RPS4X: variants seen among roughly 807,000 people sequenced by gnomAD.
RPS4X encodes the protein ribosomal protein S4 X-linked.
For synonymous variants in RPS4X, 76 were observed against 76.8 expected (o/e 0.99, Z 0.06); for missense variants, 90 against 219.1 (o/e 0.41, Z 3.72).
rs886588239 is a variant in RPS4X, at chrX:72,273,705, G to A, written c.532+96C>T. ...GGCTATAAACACACCTGGGCGATTG[G>A]AGCAGATGGTTTTTAATAAAGATAC... On this transcript the variant is annotated intron_variant, in intron 5 of 6. Coordinates refer to ENST00000316084, the MANE Select transcript of RPS4X (RefSeq NM_001007.5). The A allele has an allele frequency of 5.6e-6, 4 of 718,188 alleles. No homozygotes were observed. The African/African-American group carries it at 6.4e-5, about 11-fold the overall frequency. The allele number at this position is 718,188 out of a possible 1,213,427, so 59.2% of individuals were successfully genotyped here. A position where few individuals can be genotyped will look rare whatever the true frequency, so the allele number is the denominator to read the frequency against.
At position 72,275,516 on chromosome X, in the gene RPS4X, C is replaced by T. The variant is rs760914109; in HGVS notation, c.262+28G>A. The stretch of plus-strand genomic sequence containing the variant: ...ATACCATAGGGCTGCCATCAATATG[C>T]GTCTCCAGAGTATTTAAAACTTCTT... On this transcript the variant is annotated intron_variant, in intron 3 of 6. Transcript: ENST00000316084. The T allele has an allele frequency of 4.6e-6, 5 of 1,083,423 alleles. No homozygotes were observed. The Admixed American group carries it at 9.8e-5, about 21-fold the overall frequency. 89.3% of individuals were successfully genotyped at this position (1,083,423 alleles called of 1,213,427 possible). A position where few individuals can be genotyped will look rare whatever the true frequency, so the allele number is the denominator to read the frequency against.
In RPS4X at chrX:72,275,209, C is replaced by T. The variant is rs73624229; in HGVS notation, c.263-59G>A. The T allele has an allele frequency of 5.3e-3, 4,114 of 778,662 alleles. 15 individuals carry two copies. Among genetic ancestry groups the T allele is most frequent in the Middle Eastern group, 0.021 (73 of 3,546 alleles). 64.2% of individuals were successfully genotyped at this position (778,662 alleles called of 1,213,427 possible). A position where few individuals can be genotyped will look rare whatever the true frequency, so the allele number is the denominator to read the frequency against. ...GTGATCCCCACTACCTCATGCCGAGCAACAACCATAGCTCTCTACGAAACA... is the reference window on the plus strand; with the variant it reads ...GTGATCCCCACTACCTCATGCCGAGTAACAACCATAGCTCTCTACGAAACA... On this transcript the variant is annotated intron_variant, in intron 3 of 6. Transcript: ENST00000316084.
chrX:72,275,741 G>T lies in RPS4X; in HGVS notation c.82-17C>A. The T allele has an allele frequency of 8.6e-7, 1 of 1,162,697 alleles. No homozygotes were observed. Among genetic ancestry groups the T allele is most frequent in the African/African-American group, 1.8e-5 (1 of 56,226 alleles). Reference sequence around the variant, plus strand: ...ACGAGGAGCCTGTAACGTTAAAAATGATAATCACTGTTGGGATTCACTAAA... The same window carrying T: ...ACGAGGAGCCTGTAACGTTAAAAATTATAATCACTGTTGGGATTCACTAAA... On this transcript the variant is annotated splice_polypyrimidine_tract_variant and intron_variant, in intron 2 of 6. Coordinates refer to ENST00000316084, the MANE Select transcript of RPS4X (RefSeq NM_001007.5).
rs1187343133 is a variant in RPS4X, at chrX:72,275,664, G to T, written c.142C>A (p.Leu48Met). ...LRECLPLIIF[L>M]RNRLKYALTG... is the part of the protein sequence containing the mutation. ...AGGGCATACTTAAGTCTGTTCCTCA[G>T]GAAAATGATGAGGGGGAGACACTCT... Residue 48 changes from leucine to methionine, a missense_variant, in exon 3 of 7, where the codon CTG (leucine) becomes ATG (methionine). Coordinates refer to ENST00000316084, the MANE Select transcript of RPS4X (RefSeq NM_001007.5). 8.3e-7 allele frequency: 1 copy of T among 1,208,176 alleles called. No homozygotes were observed. The highest frequency in any genetic ancestry group is 1.8e-5 in the South Asian group (1 of 56,798).
In RPS4X at chrX:72,272,680, GCT is replaced by G. The variant is rs1009974335; in HGVS notation, c.781_782del (p.Ser261GlnfsTer9). 1 of 1,199,542 alleles carries G rather than the reference GCT, an allele frequency of 8.3e-7. No homozygotes were observed. Among genetic ancestry groups the G allele is most frequent in the African/African-American group, 1.8e-5 (1 of 56,854 alleles). ...ERDKRLAAKQSSG is the reference protein window; with the variant it reads ...ERDKRLAAKQXSG ...CACCCAGGGACCCATTTCACCCACT[GCT>G]CTGTTTGGCCGCCAGTCTTTTGTCT... On this transcript the variant is annotated frameshift_variant, in exon 7 of 7. Transcript: ENST00000316084. LOFTEE classifies it high-confidence loss of function.
chrX:72,274,809 C>T (rs2043195421), intron 4 of RPS4X: 7 of 338,447 alleles, frequency 2.1e-5, no homozygotes, highest in African/African-American at 1.0e-4. Context: ...AGGAAGTTAA[C>T]TTCAAATGGG....
chrX:72,274,029 C>A, intron 4 of RPS4X, 57 bp from the exon 5 acceptor site: 19 of 1,069,837 alleles, frequency 1.8e-5, no homozygotes, highest in Non-Finnish European at 2.5e-5. Flanking sequence ...CTTTTTAACC[C>A]TATACAGGAA....
At chrX:72,275,988 G>A (rs1297247448) in intron 2 of RPS4X, among the ~76,000 whole-genome samples, 169 bp downstream of exon 2, 5 of 111,619 alleles carry the variant, frequency 4.5e-5, no homozygotes, top group Non-Finnish European at 9.4e-5. Context: ...GAATAAATGA[G>A]GCACAAAAAT....
chrX:72,275,489 G>T, intron 3 of RPS4X, 55 bp downstream of exon 3: 2 of 935,735 alleles, frequency 2.1e-6, no homozygotes, highest in South Asian at 2.1e-5. Flanking sequence ...GACAGTATTT[G>T]GATACCATAG....
intron 4 of RPS4X, chrX:72,274,210 T>C: frequency 2.5e-6 from 1 of 402,579 alleles, no homozygotes; most frequent in Non-Finnish European, 4.5e-6. Flanking sequence ...TTAAGCCTTA[T>C]GGGGCCCTGG....
chrX:72,272,820 T>C (rs1484395466), intron 6 of RPS4X, 48 bp from the exon 7 acceptor site: 2 of 911,293 alleles, frequency 2.2e-6, no homozygotes, highest in Admixed American at 2.3e-5. Context: ...CACCAACTCA[T>C]AGTGGCTTGG....
At chrX:72,273,487 T>A in intron 5 of RPS4X, 98 bp from the exon 6 acceptor site, 1 of 852,275 alleles carries the variant, frequency 1.2e-6, no homozygotes, top group Admixed American at 3.8e-5. Flanking sequence ...TTCCCCCCAT[T>A]TGAATTTCCT....
chrX:72,276,284 T>C lies in RPS4X; in HGVS notation c.4-50A>G, dbSNP rs752534854. The C allele has an allele frequency of 9.8e-5, 95 of 965,404 alleles. No individual in the cohort carries two copies. The Middle Eastern group carries it at 3.6e-3, about 36-fold the overall frequency. 79.6% of individuals were successfully genotyped at this position (965,404 alleles called of 1,213,427 possible). A position where few individuals can be genotyped will look rare whatever the true frequency, so the allele number is the denominator to read the frequency against. ...GTTAATCAGGTTTCAGAACAGCTTA[T>C]AAAACCTAGTGTGAAACTAAACTCT... On this transcript the variant is annotated intron_variant, in intron 1 of 6. Coordinates refer to ENST00000316084, the MANE Select transcript of RPS4X (RefSeq NM_001007.5).
At position 72,272,620 on chromosome X, in the gene RPS4X, C is replaced by A. The variant is rs1361897380; in HGVS notation, c.*51G>T. 1.1e-6 allele frequency: 1 copy of A among 891,227 alleles called. No homozygotes were observed. Among genetic ancestry groups the A allele is most frequent in the South Asian group, 2.2e-5 (1 of 44,913 alleles). The allele number at this position is 891,227 out of a possible 1,213,427, so 73.4% of individuals were successfully genotyped here. A position where few individuals can be genotyped will look rare whatever the true frequency, so the allele number is the denominator to read the frequency against. On this transcript the variant is annotated 3_prime_UTR_variant, in exon 7 of 7. Transcript: ENST00000316084. ...AACCAAAATGCTATTAATCCTGCCA[C>A]AATATTTTTAATTACGTACAAAGAT...
chrX:72,275,180 T>C (rs2043197387), intron 3 of RPS4X, 30 bp from the exon 4 acceptor site: 1 of 1,004,713 alleles, frequency 1.0e-6, no homozygotes, highest in Non-Finnish European at 1.4e-6. Context: ...GGTTACTACA[T>C]ACAGTGATCC....
At chrX:72,274,956 A>G in intron 4 of RPS4X, 97 bp downstream of exon 4, 1 of 523,637 alleles carries the variant, frequency 1.9e-6, no homozygotes, top group Non-Finnish European at 3.4e-6. Flanking sequence ...TAACTAATCA[A>G]TACCCACCTC....
In RPS4X at chrX:72,275,105, T is replaced by C. The variant is rs755486495; in HGVS notation, c.308A>G (p.Tyr103Cys). ...TACAGCAAAGCGACCCTTGGTGTCA[T>C]AGATCAGACGGAAATTCTCTCCCGT... The part of the protein sequence containing the change: ...DKTGENFRLI[Y>C]DTKGRFAVHR... Residue 103 changes from tyrosine to cysteine, a missense_variant, in exon 4 of 7, where the codon TAT becomes TGT. Tyr to Cys is a radical substitution (Grantham distance 194). Coordinates refer to ENST00000316084, the MANE Select transcript of RPS4X (RefSeq NM_001007.5). 1.2e-5 allele frequency: 14 copies of C among 1,207,438 alleles called. No homozygotes were observed. Among genetic ancestry groups the C allele is most frequent in the African/African-American group, 5.3e-5 (3 of 56,912 alleles).
At chrX:72,275,400 T>A in intron 3 of RPS4X, 144 bp downstream of exon 3, 1 of 514,683 alleles carries the variant, frequency 1.9e-6, no homozygotes, top group Non-Finnish European at 3.2e-6. Context: ...GCATGTTTTT[T>A]ATTTAAGTAA....
chrX:72,273,695 TG>T, intron 5 of RPS4X, 105 bp downstream of exon 5: 1 of 656,130 alleles, frequency 1.5e-6, no homozygotes, highest in Non-Finnish European at 2.3e-6. Flanking sequence ...TAAACACACC[TG>T]GGCGATTGGA....
Sources: gnomAD v4.1 joint callset for allele counts (sites outside exome capture counted in the v4.1 genomes callset) on GRCh38, gnomAD v4.1.1 for gene constraint, MANE v1.5 for transcripts, NCBI Gene and HGNC (gene_info 2026-07-23, HGNC 2026-07-21) for gene names.